The following ACE variants were observed in gnomAD, a reference collection of about 807,000 sequenced individuals.
ACE encodes angiotensin-converting enzyme.
Under a neutral mutation model 162.3 loss-of-function variants are expected in ACE, and 122 were observed. The observed-to-expected ratio is 0.75, with a 90% confidence interval of 0.65 to 0.87. ACE has a LOEUF of 0.87. Among genes scored for constraint, ACE ranks in the 40% least tolerant of loss-of-function variants. The pLI is 0.00. For synonymous variants in ACE, 796 were observed against 720.6 expected (o/e 1.10, Z -1.68); for missense variants, 1,799 against 1,735.1 (o/e 1.04, Z -0.65).
Position 63,483,140 on chromosome 17 carries a change from C to G in ACE, c.1454C>G (p.Pro485Arg), listed in dbSNP as rs28730839. ...GGGGTCTTTAGTGGGCGTACCCCCC[C>G]TTCCCGCTACAACTTCGACTGGTGG... ...RWGVFSGRTP[P>R]SRYNFDWWYL... The change falls in exon 9 of 25, where the codon CCT becomes CGT. Residue 485 changes from proline to arginine, a missense_variant. By Grantham distance (103) the Pro-to-Arg change is moderately radical. Coordinates refer to ENST00000290866, the MANE Select transcript of ACE (RefSeq NM_000789.4). The G allele has an allele frequency of 8.2e-4, 1,322 of 1,614,086 alleles. 1 individual carries two copies. Among genetic ancestry groups the G allele is most frequent in the Non-Finnish European group, 1.0e-3 (1,205 of 1,180,020 alleles).
Position 63,488,777 on chromosome 17 carries a change from C to A in ACE, c.2435C>A (p.Ala812Asp). Residue 812 changes from alanine (A) to aspartate (D), a missense_variant, in exon 16 of 25, where the codon GCT becomes GAT. Ala to Asp is a moderately radical substitution (Grantham distance 126). Transcript: ENST00000290866. ...YPKYVELINQ[A>D]ARLNGYVDAG... ...AAATACGTGGAACTCATCAACCAGG[C>A]TGCCCGGCTCAATGGTGAGTCCCTG... is the stretch of plus-strand genomic sequence containing the variant. 1 of 1,614,022 alleles carries A rather than the reference C, an allele frequency of 6.2e-7. No individual in the cohort carries two copies. Among genetic ancestry groups the A allele is most frequent in the Non-Finnish European group, 8.5e-7 (1 of 1,180,034 alleles).
intron 16 of ACE, 73 bp from the exon 17 acceptor site, chr17:63,488,868 C>T: frequency 6.2e-7 from 1 of 1,613,754 alleles, no homozygotes; most frequent in Non-Finnish European, 8.5e-7. Context: ...AACCCCAAGC[C>T]TAGGAAAAGG....
At position 63,481,240 on chromosome 17, in the gene ACE, A is replaced by G. The variant is rs768868903; in HGVS notation, c.945+52A>G. The G allele has an allele frequency of 3.3e-6, 5 of 1,515,506 alleles. No individual in the cohort carries two copies. In the Admixed American group the frequency reaches 5.1e-5, roughly 15 times the overall value. 93.9% of individuals were successfully genotyped at this position (1,515,506 alleles called of 1,614,324 possible). A position where few individuals can be genotyped will look rare whatever the true frequency, so the allele number is the denominator to read the frequency against. On this transcript the variant is annotated intron_variant, in intron 6 of 24. Transcript: ENST00000290866. ...GGTGGGGGTCGGGGGTGGGGCGCAA[A>G]AAAAGGGAGTCACAGATGGGCACAG...
intron 22 of ACE, chr17:63,496,153 G>A (rs2030714415): frequency 1.8e-6 from 1 of 556,398 alleles, no homozygotes; most frequent in Non-Finnish European, 3.2e-6. Flanking sequence ...CTGAGTTGTG[G>A]AGGCAGCTCT....
rs201456235 is a variant in ACE, at chr17:63,481,641, G to C, written c.1021G>C (p.Glu341Gln). ...TSLELSPMPP[E>Q]FWEGSMLEKP... is the part of the protein sequence containing the mutation. ...CCTGGAGCTCTCCCCCATGCCTCCCGAGTTCTGGGAAGGGTCGATGCTGGA... is the reference window on the plus strand; with the variant it reads ...CCTGGAGCTCTCCCCCATGCCTCCCCAGTTCTGGGAAGGGTCGATGCTGGA... The change falls in exon 7 of 25, where the codon GAG becomes CAG. Residue 341 changes from glutamate to glutamine, a missense_variant. Transcript: ENST00000290866. The C allele has an allele frequency of 6.2e-7, 1 of 1,614,004 alleles. No individual in the cohort carries two copies. Among genetic ancestry groups the C allele is most frequent in the African/African-American group, 1.3e-5 (1 of 74,930 alleles).
Position 63,482,552 on chromosome 17 carries a change from A to T in ACE, c.1205A>T (p.Lys402Met), listed in dbSNP as rs1329993082. 1.9e-6 allele frequency: 3 copies of T among 1,614,126 alleles called. No individual in the cohort carries two copies. The South Asian group carries it at 3.3e-5, about 18-fold the overall frequency. The change falls in exon 8 of 25, where the codon AAG becomes ATG. Residue 402 changes from lysine to methionine, a missense_variant. Physicochemically the swap from Lys to Met is moderately conservative, Grantham distance 95. Coordinates refer to ENST00000290866, the MANE Select transcript of ACE (RefSeq NM_000789.4). ...CATATACAGTACTACCTGCAGTACA[A>T]GGATCTGCCCGTCTCCCTGCGTCGG... ...MGHIQYYLQY[K>M]DLPVSLRRGA...
intron 7 of ACE, 66 bp from the exon 8 acceptor site, chr17:63,482,400 C>G (rs1482852369): frequency 4.8e-6 from 7 of 1,470,926 alleles, no homozygotes; most frequent in Non-Finnish European, 6.6e-6. Flanking sequence ...CCAATCTGCC[C>G]TGTGCCCTGG....
In ACE at chr17:63,491,099, C is replaced by T; in HGVS notation, c.2739+48C>T. ...GGAGGCCCCGCCGGGATGGGAGGGACCCTCTGATTCAGGAGTTCCCTCCAG... is the reference window on the plus strand; with the variant it reads ...GGAGGCCCCGCCGGGATGGGAGGGATCCTCTGATTCAGGAGTTCCCTCCAG... On this transcript the variant is annotated intron_variant, in intron 18 of 24. Transcript: ENST00000290866. The surrounding 1 kb of genome is among the most constrained non-coding windows in gnomAD (Gnocchi z 4.4). 6.2e-7 allele frequency: 1 copy of T among 1,610,244 alleles called. No homozygotes were observed. The highest frequency in any genetic ancestry group is 8.5e-7 in the Non-Finnish European group (1 of 1,176,866).
At chr17:63,488,292 A>G (rs1436974509) in intron 15 of ACE, among the ~76,000 whole-genome samples, 2 of 150,676 alleles carry the variant, frequency 1.3e-5, no homozygotes, top group Non-Finnish European at 3.0e-5. Context: ...CTGGGAGGTC[A>G]AGGCTGCAGT....
Position 63,491,236 on chromosome 17 carries a change from G to A in ACE, c.2767G>A (p.Glu923Lys). ...CTGGACGCCCAGGAGGATGTTTAAGGAGGCTGATGATTTCTTCACCTCCCT... is the reference window on the plus strand; with the variant it reads ...CTGGACGCCCAGGAGGATGTTTAAGAAGGCTGATGATTTCTTCACCTCCCT... Reference protein sequence around the residue: ...QGWTPRRMFKEADDFFTSLGL... With the variant: ...QGWTPRRMFKKADDFFTSLGL... The change falls in exon 19 of 25, where the codon GAG becomes AAG. Residue 923 changes from glutamate to lysine, a missense_variant. Physicochemically the swap from Glu to Lys is moderately conservative, Grantham distance 56. Transcript: ENST00000290866. The surrounding 1 kb of genome is among the most constrained non-coding windows in gnomAD (Gnocchi z 4.4). The A allele has an allele frequency of 6.2e-7, 1 of 1,614,144 alleles. No homozygotes were observed. The highest frequency in any genetic ancestry group is 8.5e-7 in the Non-Finnish European group (1 of 1,180,032).
At chr17:63,485,956 T>C (rs2029908921) in intron 13 of ACE, among the ~76,000 whole-genome samples, 1 of 151,996 alleles carries the variant, frequency 6.6e-6, no homozygotes, top group Non-Finnish European at 1.5e-5. Context: ...AACAAACAAA[T>C]AAACAAAAAT....
In ACE at chr17:63,483,440, A is replaced by G. The variant is rs1568038755; in HGVS notation, c.1488-20A>G. 2 of 1,607,232 alleles carry G rather than the reference A, an allele frequency of 1.2e-6. No homozygotes were observed. The highest frequency in any genetic ancestry group is 1.7e-6 in the Non-Finnish European group (2 of 1,173,928). ...TTTGCAACCTCTAGGCCCTAAGACAATTTAACCATCCTTTTCCAGAACCAA... is the reference window on the plus strand; with the variant it reads ...TTTGCAACCTCTAGGCCCTAAGACAGTTTAACCATCCTTTTCCAGAACCAA... On this transcript the variant is annotated intron_variant, in intron 9 of 24. Coordinates refer to ENST00000290866, the MANE Select transcript of ACE (RefSeq NM_000789.4).
In ACE at chr17:63,490,943, C is replaced by T. The variant is rs367968615; in HGVS notation, c.2642-11C>T. 4 of 1,613,584 alleles carry T rather than the reference C, an allele frequency of 2.5e-6. No homozygotes were observed. The highest frequency in any genetic ancestry group is 1.7e-5 in the Admixed American group (1 of 60,012). On this transcript the variant is annotated splice_polypyrimidine_tract_variant and intron_variant, in intron 17 of 24. Coordinates refer to ENST00000290866, the MANE Select transcript of ACE (RefSeq NM_000789.4). Reference sequence around the variant, plus strand: ...TTTCCTCTCTCTGCCGTCCCCCACACTCGCCTCCAGGGAACATGTGGGCGC... The same window carrying T: ...TTTCCTCTCTCTGCCGTCCCCCACATTCGCCTCCAGGGAACATGTGGGCGC...
chr17:63,477,769 A>C, intron 1 of ACE, 162 bp from the exon 2 acceptor site: 1 of 795,036 alleles, frequency 1.3e-6, no homozygotes, highest in South Asian at 1.8e-5. Context: ...AGAAGGAGGA[A>C]GCGCGGCTTC....
At position 63,487,537 on chromosome 17, in the gene ACE, G is replaced by A. The variant is rs140100548; in HGVS notation, c.2305+464G>A. Among the ~76,000 whole-genome samples, 304 of 152,132 alleles carry A rather than the reference G, an allele frequency of 2.0e-3. 4 individuals are homozygous for A. The highest frequency in any genetic ancestry group is 9.1e-4 in the Non-Finnish European group (62 of 67,998). On this transcript the variant is annotated intron_variant, in intron 15 of 24. Transcript: ENST00000290866. Reference sequence around the variant, plus strand: ...ATTGAGTCACACAGCCCCTGAAAGCGCCAGACTAGAACCTGAGCCTCTGAT... The same window carrying A: ...ATTGAGTCACACAGCCCCTGAAAGCACCAGACTAGAACCTGAGCCTCTGAT...
chr17:63,484,570 G>A lies in ACE; in HGVS notation c.1921+29G>A, dbSNP rs748970379. 7 of 1,593,830 alleles carry A rather than the reference G, an allele frequency of 4.4e-6. No homozygotes were observed. The African/African-American group carries it at 9.4e-5, about 21-fold the overall frequency. ...AAGCCCTGAGTGAGGATGGTGTGGGGCTAAGGTGGGTCCTCAACTCTGGGC... is the reference window on the plus strand; with the variant it reads ...AAGCCCTGAGTGAGGATGGTGTGGGACTAAGGTGGGTCCTCAACTCTGGGC... On this transcript the variant is annotated intron_variant, in intron 12 of 24. Coordinates refer to ENST00000290866, the MANE Select transcript of ACE (RefSeq NM_000789.4). The surrounding 1 kb of genome is among the most constrained non-coding windows in gnomAD (Gnocchi z 4.0).
At position 63,484,131 on chromosome 17, in the gene ACE, T is replaced by C. The variant is rs1457944862; in HGVS notation, c.1709+160T>C. 6.6e-6 allele frequency among the ~76,000 whole-genome samples: 1 copy of C among 152,208 alleles called. No individual in the cohort carries two copies. The highest frequency in any genetic ancestry group is 1.5e-5 in the Non-Finnish European group (1 of 68,028). On this transcript the variant is annotated intron_variant, in intron 11 of 24. Coordinates refer to ENST00000290866, the MANE Select transcript of ACE (RefSeq NM_000789.4). This position sits in a 1 kb window ranked among gnomAD's most constrained non-coding sequence, Gnocchi z 4.0. ...CCTCGCTATGTCATCAAATATTTAT[T>C]GAGTGGGCCTTCTGGCTGGCATGGG...
Position 63,481,720 on chromosome 17 carries a change from A to C in ACE, c.1100A>C (p.Tyr367Ser). The C allele has an allele frequency of 6.2e-7, 1 of 1,614,134 alleles. No individual in the cohort carries two copies. Among genetic ancestry groups the C allele is most frequent in the Non-Finnish European group, 8.5e-7 (1 of 1,180,022 alleles). The change falls in exon 7 of 25, where the codon TAC becomes TCC. Residue 367 changes from tyrosine to serine, a missense_variant. Coordinates refer to ENST00000290866, the MANE Select transcript of ACE (RefSeq NM_000789.4). ...TGCCACGCCTCGGCTTGGGACTTCTACAACAGGAAAGACTTCAGGTTCAGA... is the reference window on the plus strand; with the variant it reads ...TGCCACGCCTCGGCTTGGGACTTCTCCAACAGGAAAGACTTCAGGTTCAGA... ...VVCHASAWDF[Y>S]NRKDFRIKQC... is the part of the protein sequence containing the mutation.
intron 12 of ACE, 145 bp from the exon 13 acceptor site, chr17:63,485,091 G>A (rs1340015576): frequency 1.3e-6 from 2 of 1,596,776 alleles, no homozygotes; most frequent in Non-Finnish European, 1.7e-6. Context: ...GGGAGGGGCA[G>A]GGTGCCAGGG....
Sources: allele counts gnomAD v4.1 joint callset (sites outside exome capture counted in the v4.1 genomes callset), GRCh38; gene constraint gnomAD v4.1.1; non-coding constraint Gnocchi (gnomAD v3.1); transcripts MANE v1.5; gene names NCBI Gene and HGNC (gene_info 2026-07-23, HGNC 2026-07-21).